CFAP221: variants seen among roughly 807,000 people sequenced by gnomAD.
CFAP221 encodes cilia- and flagella-associated protein 221.
A neutral mutation model predicts 113.1 loss-of-function variants in CFAP221; 97 were observed. That is an observed-to-expected ratio of 0.86 (90% CI 0.73 to 1.02). The LOEUF is 1.02. Among genes scored for constraint, CFAP221 ranks in the 50% least tolerant of loss-of-function variants. CFAP221 has a pLI of 0.00. For synonymous variants in CFAP221, 331 were observed against 354.4 expected (o/e 0.93, Z 0.74); for missense variants, 1,025 against 1,013.4 (o/e 1.01, Z -0.16).
At position 119,608,540 on chromosome 2, in the gene CFAP221, T is replaced by C. The variant is rs1409589052; in HGVS notation, c.1172T>C (p.Leu391Pro). Residue 391 changes from leucine to proline, a missense_variant, in exon 12 of 24, where the codon CTT (leucine) becomes CCT (proline). Physicochemically the swap from Leu to Pro is moderately conservative, Grantham distance 98. Coordinates refer to ENST00000413369, the MANE Select transcript of CFAP221 (RefSeq NM_001271049.2). ...HLGKDPMSFK[L>P]KKELTEEWQK... ...GGTAAAGATCCTATGTCTTTTAAACTTAAAAAAGAGCTTACTGAAGAGTGG... is the reference window on the plus strand; with the variant it reads ...GGTAAAGATCCTATGTCTTTTAAACCTAAAAAAGAGCTTACTGAAGAGTGG... 1.9e-6 allele frequency: 3 copies of C among 1,613,312 alleles called. No individual in the cohort carries two copies. The South Asian group carries it at 3.3e-5, about 18-fold the overall frequency.
Position 119,639,783 on chromosome 2 carries a change from C to T in CFAP221, c.2136C>T (p.Asp712=), listed in dbSNP as rs1388218612. The part of the protein sequence containing the change: ...VTQKQFLHHT[D]IIPGIMHWKS... ...CCATGTGCTGACTTTCCTTACAGGA[C>T]ATTATTCCCGGAATAATGCACTGGA... is the stretch of plus-strand genomic sequence containing the variant. The change falls in exon 21 of 24, where the codon GAC becomes GAT. Residue 712 remains aspartate (D), a splice_region_variant and synonymous_variant. Transcript: ENST00000413369. 2.5e-6 allele frequency: 4 copies of T among 1,613,578 alleles called. No homozygotes were observed. The South Asian group carries it at 4.4e-5, about 18-fold the overall frequency.
intron 13 of CFAP221, among the ~76,000 whole-genome samples, chr2:119,614,542 A>G (rs531500909): frequency 1.3e-5 from 2 of 152,334 alleles, no homozygotes; most frequent in South Asian, 2.1e-4. Context: ...AGAAGCAAGA[A>G]GAATGAGAAC....
chr2:119,631,632 G>T (rs561360428), intron 19 of CFAP221, among the ~76,000 whole-genome samples: 2 of 152,146 alleles, frequency 1.3e-5, no homozygotes, highest in African/African-American at 4.8e-5. Context: ...CTGAGATCAC[G>T]CCAGTGCACT....
At chr2:119,656,230 C>G in intron 23 of CFAP221, 132 bp from the exon 24 acceptor site, 1 of 658,474 alleles carries the variant, frequency 1.5e-6, no homozygotes, top group Non-Finnish European at 2.7e-6. Flanking sequence ...CTATCACTAA[C>G]TGTGGTGAAA....
At chr2:119,547,760 A>T (rs1388199830) in intron 2 of CFAP221, among the ~76,000 whole-genome samples, 1 of 152,142 alleles carries the variant, frequency 6.6e-6, no homozygotes, top group Non-Finnish European at 1.5e-5. Context: ...GTGAGAAGAA[A>T]AAAACATCAA....
intron 8 of CFAP221, among the ~76,000 whole-genome samples, chr2:119,601,743 C>T (rs184685042): frequency 6.6e-6 from 1 of 152,176 alleles, no homozygotes; most frequent in Non-Finnish European, 1.5e-5. Flanking sequence ...TTCCATATAG[C>T]ATTTTAATTA....
At chr2:119,561,844 G>A (rs1403533155) in intron 5 of CFAP221, among the ~76,000 whole-genome samples, 170 bp from the exon 6 acceptor site, 2 of 152,182 alleles carry the variant, frequency 1.3e-5, no homozygotes, top group Admixed American at 6.5e-5. Context: ...TCTACGCTTT[G>A]TTTATGGCTA....
At chr2:119,621,357 T>A (rs1178447291) in intron 14 of CFAP221, among the ~76,000 whole-genome samples, 1 of 152,000 alleles carries the variant, frequency 6.6e-6, no homozygotes, top group Non-Finnish European at 1.5e-5. Context: ...CCTAAATATA[T>A]ATGCACCCAA....
At chr2:119,650,150 G>A (rs866216779) in intron 22 of CFAP221, among the ~76,000 whole-genome samples, 7 of 151,960 alleles carry the variant, frequency 4.6e-5, no homozygotes, top group African/African-American at 1.5e-4. Context: ...TGTTGATTAC[G>A]GTTTCTATTT....
chr2:119,592,913 G>T (rs1574079222), intron 7 of CFAP221, among the ~76,000 whole-genome samples: 1 of 152,180 alleles, frequency 6.6e-6, no homozygotes, highest in South Asian at 2.1e-4. Context: ...TAGTCTTGAG[G>T]TTAAGCAGTT....
At chr2:119,599,081 A>G (rs535559930) in intron 7 of CFAP221, among the ~76,000 whole-genome samples, 27 of 152,266 alleles carry the variant, frequency 1.8e-4, no homozygotes, top group African/African-American at 3.6e-4. Flanking sequence ...TGATGGACCC[A>G]AGGTCTTTTG....
intron 6 of CFAP221, among the ~76,000 whole-genome samples, chr2:119,571,133 CTTTTTTTTTTT>C (rs34017847): frequency 5.4e-5 from 5 of 93,132 alleles, no homozygotes; most frequent in South Asian, 7.4e-4. Flanking sequence ...TAACAACCCC[CTTTTTTTTTTT>C]TTTTTTTTTT....
intron 21 of CFAP221, among the ~76,000 whole-genome samples, chr2:119,642,533 CTTTTTTTTTTTTTTTTT>C (rs56224952): frequency 1.8e-5 from 1 of 54,672 alleles, no homozygotes; most frequent in East Asian, 6.1e-4. Flanking sequence ...GCTCTCAGGC[CTTTTTTTTTTTTTTTTT>C]TTTTTTTTTA....
rs1163986871 is a variant in CFAP221 at position 119,605,220 on chromosome 2, T to C, written c.1064T>C (p.Met355Thr). The change falls in exon 11 of 24, where the codon ATG becomes ACG. Residue 355 changes from methionine (M) to threonine (T), a missense_variant. Coordinates refer to ENST00000413369, the MANE Select transcript of CFAP221 (RefSeq NM_001271049.2). ...ACTGAAATTTCAAAAACGAGACAGATGAAGGAGGCACTCTTTGAACAGAAA... is the reference window on the plus strand; with the variant it reads ...ACTGAAATTTCAAAAACGAGACAGACGAAGGAGGCACTCTTTGAACAGAAA... ...QGTEISKTRQ[M>T]KEALFEQKVR... 2 of 1,614,072 alleles carry C rather than the reference T, an allele frequency of 1.2e-6. No individual in the cohort carries two copies. The highest frequency in any genetic ancestry group is 1.6e-4 in the Middle Eastern group (1 of 6,084).
chr2:119,600,030 T>C (rs1039575948), intron 7 of CFAP221, among the ~76,000 whole-genome samples: 3 of 152,106 alleles, frequency 2.0e-5, no homozygotes, highest in African/African-American at 7.2e-5. Flanking sequence ...GTGCGAGGCC[T>C]CTGCAGGGAC....
At chr2:119,642,998 C>T (rs1396906230) in intron 21 of CFAP221, among the ~76,000 whole-genome samples, 2 of 151,910 alleles carry the variant, frequency 1.3e-5, no homozygotes, top group Non-Finnish European at 2.9e-5. Flanking sequence ...GCTATGTTGC[C>T]CGGGCTGATC....
At chr2:119,558,017 A>T (rs558179054) in intron 3 of CFAP221, among the ~76,000 whole-genome samples, 4 of 151,920 alleles carry the variant, frequency 2.6e-5, no homozygotes, top group African/African-American at 9.7e-5. Context: ...CTCTAAGCTT[A>T]ACCACTCCCA....
intron 6 of CFAP221, among the ~76,000 whole-genome samples, chr2:119,564,516 T>G (rs1681485149): frequency 1.3e-5 from 2 of 152,234 alleles, no homozygotes; most frequent in Admixed American, 1.3e-4. Flanking sequence ...CTGAATCTTG[T>G]AATAACCATT....
chr2:119,653,908 A>G (rs144280962), intron 23 of CFAP221, among the ~76,000 whole-genome samples: 208 of 152,250 alleles, frequency 1.4e-3, no homozygotes, highest in African/African-American at 4.7e-3. Flanking sequence ...AAACTTATCT[A>G]TGCTTTTCAA....
Sources: gnomAD v4.1 joint callset for allele counts (sites outside exome capture counted in the v4.1 genomes callset) on GRCh38, gnomAD v4.1.1 for gene constraint, MANE v1.5 for transcripts, NCBI Gene and HGNC (gene_info 2026-07-23, HGNC 2026-07-21) for gene names.